Variants in LGR6 observed in about 807,000 individuals in gnomAD.
LGR6 encodes the protein leucine rich repeat containing G protein-coupled receptor 6, also known as leucine-rich repeat-containing G protein-coupled receptor 6.
LGR6 carries 45 observed loss-of-function variants against 69.4 expected under a neutral mutation model. That is an observed-to-expected ratio of 0.65 (90% confidence interval 0.51 to 0.83). LGR6 has a LOEUF of 0.83. LGR6 is among the 40% of genes least tolerant of loss of function. The pLI is 0.00. For missense variants in LGR6, 1,108 were observed against 1,246.7 expected (o/e 0.89, Z 1.68); for synonymous variants, 538 against 555.0 (o/e 0.97, Z 0.43).
chr1:202,216,948 G>C (rs1659825540), intron 1 of LGR6, among the ~76,000 whole-genome samples: 1 of 152,226 alleles, frequency 6.6e-6, no homozygotes, highest in Admixed American at 6.5e-5. Context: ...AATTGCATGG[G>C]GGCAGGAGTG....
intron 1 of LGR6, among the ~76,000 whole-genome samples, chr1:202,204,529 ACAC>A (rs1658995216): frequency 6.9e-6 from 1 of 145,850 alleles, no homozygotes; most frequent in Non-Finnish European, 1.5e-5. Flanking sequence ...CTCCAAACAC[ACAC>A]ACCTCCTTCA....
At chr1:202,204,880 TCCTTC>T (rs1558004253) in intron 1 of LGR6, among the ~76,000 whole-genome samples, 1 of 5,460 alleles carries the variant, frequency 1.8e-4, no homozygotes, top group Non-Finnish European at 3.0e-4. Context: ...CACACACACC[TCCTTC>T]AAACACACAC....
chr1:202,303,347 T>C lies in LGR6; in HGVS notation c.998T>C (p.Leu333Pro). The C allele has an allele frequency of 1.9e-6, 3 of 1,611,476 alleles. No homozygotes were observed. The highest frequency in any genetic ancestry group is 2.5e-6 in the Non-Finnish European group (3 of 1,177,566). Residue 333 changes from leucine to proline, a missense_variant and splice_region_variant, in exon 10 of 18, where the codon CTG becomes CCG. Transcript: ENST00000367278. ...DLKGTTSLEILTLTRAGIRLL... is the reference protein window; with the variant it reads ...DLKGTTSLEIPTLTRAGIRLL... ...AAAGGCACCACCAGCCTGGAGATCC[T>C]GTGAGTGGCTTCTCTCTCCCTACCT...
At chr1:202,222,035 C>T (rs1337238188) in intron 1 of LGR6, among the ~76,000 whole-genome samples, 3 of 152,232 alleles carry the variant, frequency 2.0e-5, no homozygotes, top group Non-Finnish European at 1.5e-5. Context: ...CACAGCCTCC[C>T]CACAGCAGGG....
At chr1:202,210,366 A>T (rs558488872) in intron 1 of LGR6, among the ~76,000 whole-genome samples, 1 of 151,386 alleles carries the variant, frequency 6.6e-6, no homozygotes, top group Non-Finnish European at 1.5e-5. Flanking sequence ...ATGAGTAAAG[A>T]GATGAATGAG....
chr1:202,299,644 C>T (rs1667434563), intron 7 of LGR6, among the ~76,000 whole-genome samples: 1 of 152,082 alleles, frequency 6.6e-6, no homozygotes. Context: ...ACATAATGAG[C>T]AGATGAGAGG....
At chr1:202,208,910 G>A (rs1400184860) in intron 1 of LGR6, among the ~76,000 whole-genome samples, 1 of 152,108 alleles carries the variant, frequency 6.6e-6, no homozygotes, top group Non-Finnish European at 1.5e-5. Flanking sequence ...AGAGCCATAG[G>A]GGTAAAGAGT....
Position 202,314,849 on chromosome 1 carries a change from C to T in LGR6, c.1615C>T (p.Pro539Ser). ...CCAGCTGGAGATGGAGGACTCAAAG[C>T]CACACCCCAGTGTCCAGTGTAGCCC... ...ELQLEMEDSKPHPSVQCSPTP... is the reference protein window; with the variant it reads ...ELQLEMEDSKSHPSVQCSPTP... Residue 539 changes from proline (P) to serine (S), a missense_variant, in exon 17 of 18, where the codon CCA becomes TCA. Transcript: ENST00000367278. The T allele has an allele frequency of 6.2e-7, 1 of 1,614,026 alleles. No homozygotes were observed. Among genetic ancestry groups the T allele is most frequent in the Admixed American group, 1.7e-5 (1 of 60,018 alleles).
Position 202,268,317 on chromosome 1 carries a change from G to A in LGR6, c.429-7989G>A, listed in dbSNP as rs925182520. On this transcript the variant is annotated intron_variant, in intron 4 of 17. Transcript: ENST00000367278. This position sits in a 1 kb window ranked among gnomAD's most constrained non-coding sequence, Gnocchi z 4.4. ...GCCCAAGGGCATCTCCTCACTGCTC[G>A]GCAGGTGCCAGCCTGCTCCCTGCTG... is the stretch of plus-strand genomic sequence containing the variant. Among the ~76,000 whole-genome samples, 2 of 152,176 alleles carry A rather than the reference G, an allele frequency of 1.3e-5. No homozygotes were observed. Among genetic ancestry groups the A allele is most frequent in the East Asian group, 1.9e-4 (1 of 5,192 alleles).
intron 1 of LGR6, chr1:202,214,261 A>AGCTCCGGAAAGTTCCACAGGT (rs1225950097): frequency 6.6e-7 from 1 of 1,519,312 alleles, no homozygotes; most frequent in East Asian, 2.7e-5. Flanking sequence ...AAGGGTGCCG[A>AGCTCCGGAAAGTTCCACAGGT]GCTCCGGAAA....
chr1:202,240,917 G>A (rs1332641518), intron 4 of LGR6, among the ~76,000 whole-genome samples: 1 of 152,160 alleles, frequency 6.6e-6, no homozygotes, highest in Admixed American at 6.5e-5. Context: ...AAAGCTACAT[G>A]AGATGTTCTA....
chr1:202,281,193 C>T (rs1368844427), intron 6 of LGR6, among the ~76,000 whole-genome samples: 1 of 151,936 alleles, frequency 6.6e-6, no homozygotes, highest in African/African-American at 2.4e-5. Flanking sequence ...AAATATGAAG[C>T]CCGGGGAATA....
At position 202,314,234 on chromosome 1, in the gene LGR6, C is replaced by T. The variant is rs905636492; in HGVS notation, c.1568-568C>T. The stretch of plus-strand genomic sequence containing the variant: ...CCTTTACCCCTAACAGTCCTTCAGC[C>T]CTTTGAGGACGGCCATGATACCCCC... On this transcript the variant is annotated intron_variant, in intron 16 of 17. Coordinates refer to ENST00000367278, the MANE Select transcript of LGR6 (RefSeq NM_001017403.2). 2.0e-5 allele frequency among the ~76,000 whole-genome samples: 3 copies of T among 152,184 alleles called. No individual in the cohort carries two copies. The East Asian group carries it at 5.8e-4, about 29-fold the overall frequency.
At chr1:202,244,191 T>G (rs1382690207) in intron 4 of LGR6, among the ~76,000 whole-genome samples, 4 of 152,080 alleles carry the variant, frequency 2.6e-5, no homozygotes, top group Non-Finnish European at 5.9e-5. Flanking sequence ...ACTCCTGACC[T>G]CGTAATTCGC....
chr1:202,253,715 G>A (rs1263711415), intron 4 of LGR6, among the ~76,000 whole-genome samples: 10 of 124,808 alleles, frequency 8.0e-5, no homozygotes, highest in Non-Finnish European at 9.5e-5. Flanking sequence ...TGCAACCTCC[G>A]CCTCCTGGGT....
chr1:202,252,914 T>C (rs1281763697), intron 4 of LGR6, among the ~76,000 whole-genome samples: 1 of 152,230 alleles, frequency 6.6e-6, no homozygotes, highest in Non-Finnish European at 1.5e-5. Context: ...CCAAGCATTG[T>C]GTCAGGCACA....
At chr1:202,274,284 G>C (rs1665360161) in intron 4 of LGR6, among the ~76,000 whole-genome samples, 1 of 152,196 alleles carries the variant, frequency 6.6e-6, no homozygotes, top group Non-Finnish European at 1.5e-5. Flanking sequence ...AAAACATTGA[G>C]TGCCATCTGC....
intron 3 of LGR6, among the ~76,000 whole-genome samples, chr1:202,233,615 C>T (rs1048497251): frequency 5.9e-5 from 9 of 152,160 alleles, no homozygotes; most frequent in Admixed American, 2.6e-4. Flanking sequence ...TATGCACCTT[C>T]TGGCAGCCTC....
At chr1:202,267,859 A>G (rs1446502751) in intron 4 of LGR6, among the ~76,000 whole-genome samples, 1 of 152,196 alleles carries the variant, frequency 6.6e-6, no homozygotes, top group African/African-American at 2.4e-5. Context: ...AATGTTTATT[A>G]TATTTAATCC....
Sources: allele counts gnomAD v4.1 joint callset (sites outside exome capture counted in the v4.1 genomes callset), GRCh38; gene constraint gnomAD v4.1.1; non-coding constraint Gnocchi (gnomAD v3.1); transcripts MANE v1.5; gene names NCBI Gene and HGNC (gene_info 2026-07-23, HGNC 2026-07-21).